Variants in CLEC16A observed in about 807,000 individuals in gnomAD.
CLEC16A encodes protein CLEC16A.
In CLEC16A, 51 loss-of-function variants were observed where a neutral mutation model predicts 109.5. The ratio of observed to expected loss-of-function variants is 0.47; its 90% CI spans 0.37 to 0.59. The LOEUF is 0.59. Ranked by LOEUF, CLEC16A falls within the 20% of genes least tolerant of loss-of-function variation. The pLI is 0.00. For synonymous variants in CLEC16A, 673 were observed against 564.2 expected (o/e 1.19, Z -2.73); for missense variants, 1,339 against 1,394.0 (o/e 0.96, Z 0.63).
chr16:11,115,312 T>A (rs1482610811), intron 19 of CLEC16A, among the ~76,000 whole-genome samples: 1 of 152,274 alleles, frequency 6.6e-6, no homozygotes, highest in East Asian at 1.9e-4. Context: ...TGTTTATTGT[T>A]TTTGTTCTAT....
chr16:11,110,813 AG>A, intron 19 of CLEC16A, among the ~76,000 whole-genome samples: 1 of 152,224 alleles, frequency 6.6e-6, no homozygotes, highest in East Asian at 1.9e-4. Flanking sequence ...TGATCGGCCC[AG>A]GGTCACACAG....
chr16:11,175,325 C>G (rs1044191247), intron 23 of CLEC16A, among the ~76,000 whole-genome samples: 4 of 152,176 alleles, frequency 2.6e-5, no homozygotes, highest in Non-Finnish European at 4.4e-5. Flanking sequence ...TGTCCCATTA[C>G]CCCCTCGGCT....
At chr16:11,002,736 A>G (rs1391984432) in intron 10 of CLEC16A, among the ~76,000 whole-genome samples, 3 of 152,146 alleles carry the variant, frequency 2.0e-5, no homozygotes, top group Non-Finnish European at 4.4e-5. Context: ...GCTTATGAGA[A>G]TATGCAGTAA....
intron 1 of CLEC16A, among the ~76,000 whole-genome samples, chr16:10,953,846 G>A (rs751948510): frequency 2.6e-5 from 4 of 152,066 alleles, no homozygotes; most frequent in South Asian, 2.1e-4. Context: ...GCGTGCTGGC[G>A]GGCGCCTGTA....
At chr16:11,173,243 T>C (rs1421205761) in intron 23 of CLEC16A, among the ~76,000 whole-genome samples, 1 of 152,138 alleles carries the variant, frequency 6.6e-6, no homozygotes, top group Non-Finnish European at 1.5e-5. Context: ...TTTATTGTGG[T>C]AACATACGGG....
At chr16:11,176,941 C>T (rs2068772350) in intron 23 of CLEC16A, among the ~76,000 whole-genome samples, 1 of 152,086 alleles carries the variant, frequency 6.6e-6, no homozygotes, top group Non-Finnish European at 1.5e-5. Context: ...CATTATTTTG[C>T]TTTATGTTCC....
At chr16:11,112,342 G>T (rs1298767391) in intron 19 of CLEC16A, among the ~76,000 whole-genome samples, 1 of 152,060 alleles carries the variant, frequency 6.6e-6, no homozygotes, top group Admixed American at 6.6e-5. Flanking sequence ...AGTGAAAGTG[G>T]TTGATAAGTT....
rs942010934 is a variant in CLEC16A at position 11,126,041 on chromosome 16, A to C, written c.2536A>C (p.Thr846Pro). ...CCTGGGGTTTGGACTCGGCTCCTCCACCTCCACTCAGCACCTGCCTTTCCG... is the reference window on the plus strand; with the variant it reads ...CCTGGGGTTTGGACTCGGCTCCTCCCCCTCCACTCAGCACCTGCCTTTCCG... ...EVLGFGLGSS[T>P]STQHLPFRFY... is the part of the protein sequence containing the mutation. Residue 846 changes from threonine (T) to proline (P), a missense_variant, in exon 22 of 24, where the codon ACC becomes CCC. Thr to Pro is a conservative substitution (Grantham distance 38). Coordinates refer to ENST00000409790, the MANE Select transcript of CLEC16A (RefSeq NM_015226.3). 10 of 1,612,300 alleles carry C rather than the reference A, an allele frequency of 6.2e-6. No homozygotes were observed. The African/African-American group carries it at 1.2e-4, about 20-fold the overall frequency.
intron 17 of CLEC16A, among the ~76,000 whole-genome samples, chr16:11,049,858 G>T (rs1339052582): frequency 6.6e-6 from 1 of 152,242 alleles, no homozygotes; most frequent in Non-Finnish European, 1.5e-5. Context: ...GGCAGGAACT[G>T]CCACCCCTGC....
intron 23 of CLEC16A, among the ~76,000 whole-genome samples, chr16:11,168,312 T>C (rs1457831569): frequency 6.6e-6 from 1 of 152,120 alleles, no homozygotes; most frequent in Admixed American, 6.5e-5. Context: ...CGTAATGTCT[T>C]CTCATCTCAG....
intron 22 of CLEC16A, among the ~76,000 whole-genome samples, chr16:11,153,808 C>G (rs2054392910): frequency 6.6e-6 from 1 of 152,086 alleles, no homozygotes; most frequent in South Asian, 2.1e-4. Context: ...TAAGTCAAAA[C>G]TACAAATGCA....
In CLEC16A at chr16:11,095,911, A is replaced by G. The variant is rs192965116; in HGVS notation, c.2117-24704A>G. 1.8e-4 allele frequency among the ~76,000 whole-genome samples: 27 copies of G among 152,202 alleles called. No homozygotes were observed. The East Asian group carries it at 4.8e-3, about 27-fold the overall frequency. On this transcript the variant is annotated intron_variant, in intron 19 of 23. Coordinates refer to ENST00000409790, the MANE Select transcript of CLEC16A (RefSeq NM_015226.3). ...TTCACTTTGGAAGTTAATGGACTCA[A>G]ACTCCTGGGTTCAAGCAGTCTTCCC... is the stretch of plus-strand genomic sequence containing the variant.
At chr16:11,053,686 T>G (rs531375646) in intron 18 of CLEC16A, among the ~76,000 whole-genome samples, 27 of 152,216 alleles carry the variant, frequency 1.8e-4, no homozygotes, top group African/African-American at 6.5e-4. Flanking sequence ...GGGAAGAAAT[T>G]GATGCATGGA....
At chr16:11,110,651 A>G (rs1243541902) in intron 19 of CLEC16A, among the ~76,000 whole-genome samples, 2 of 152,128 alleles carry the variant, frequency 1.3e-5, no homozygotes, top group Non-Finnish European at 2.9e-5. Flanking sequence ...CTGGGAGAAC[A>G]CTAGGACCAC....
At chr16:11,042,020 A>G (rs2047362991) in intron 14 of CLEC16A, 2 of 501,720 alleles carry the variant, frequency 4.0e-6, no homozygotes, top group African/African-American at 2.0e-5. Flanking sequence ...CTGTCAGTAA[A>G]GGGACTTCAG....
At chr16:11,054,411 C>T (rs942697078) in intron 18 of CLEC16A, among the ~76,000 whole-genome samples, 5 of 152,192 alleles carry the variant, frequency 3.3e-5, no homozygotes, top group African/African-American at 9.6e-5. Context: ...CTTTTTGCCC[C>T]TCACATGTCA....
intron 17 of CLEC16A, among the ~76,000 whole-genome samples, chr16:11,049,252 C>T (rs528128964): frequency 4.1e-4 from 63 of 152,222 alleles, no homozygotes; most frequent in Middle Eastern, 3.4e-3. Flanking sequence ...GTGATCCGCC[C>T]GCCTTGGCCT....
At chr16:11,095,424 C>G (rs1168164343) in intron 19 of CLEC16A, among the ~76,000 whole-genome samples, 1 of 152,156 alleles carries the variant, frequency 6.6e-6, no homozygotes, top group Non-Finnish European at 1.5e-5. Flanking sequence ...CGGGCCAGCT[C>G]TGGTCTGTGT....
At chr16:11,043,077 T>TAC in intron 15 of CLEC16A, among the ~76,000 whole-genome samples, 1 of 131,748 alleles carries the variant, frequency 7.6e-6, no homozygotes, top group Middle Eastern at 3.7e-3. Context: ...TGTGTATATA[T>TAC]ATACACACAC....
Sources: allele counts gnomAD v4.1 joint callset (sites outside exome capture counted in the v4.1 genomes callset), GRCh38; gene constraint gnomAD v4.1.1; transcripts MANE v1.5; gene names NCBI Gene and HGNC (gene_info 2026-07-23, HGNC 2026-07-21).